Variants in AACS observed in about 807,000 individuals in gnomAD.
AACS encodes the protein acetoacetate-CoA ligase.
Under a neutral mutation model 83.1 loss-of-function variants are expected in AACS, and 69 were observed. That is an observed-to-expected ratio of 0.83 (90% CI 0.68 to 1.01). The LOEUF (loss-of-function observed/expected upper bound fraction) is 1.01. Ranked by LOEUF, AACS falls within the 50% of genes least tolerant of loss-of-function variation. The pLI is 0.00. For missense variants in AACS, 866 were observed against 882.2 expected (o/e 0.98, Z 0.23); for synonymous variants, 333 against 343.4 (o/e 0.97, Z 0.33).
chr12:125,141,701 A>AAAAAAAAAAG (rs577989129), intron 17 of AACS: 1 of 150,024 alleles, frequency 6.7e-6, no homozygotes, highest in Non-Finnish European at 1.4e-5. Context: ...TGTCTCAAAA[A>AAAAAAAAAAG]AAAAAAAAAG....
chr12:125,107,432 A>C (rs975892611), intron 8 of AACS, among the ~76,000 whole-genome samples, 164 bp downstream of exon 8: 1 of 152,142 alleles, frequency 6.6e-6, no homozygotes, highest in Non-Finnish European at 1.5e-5. Context: ...GAGATCCGGC[A>C]CTGGGCCCAG....
chr12:125,071,813 G>C (rs960980611), intron 1 of AACS, among the ~76,000 whole-genome samples: 12 of 152,178 alleles, frequency 7.9e-5, no homozygotes, highest in African/African-American at 2.9e-4. Context: ...GGCCGCGTCT[G>C]CCTTCCTTAG....
At chr12:125,077,439 G>A (rs1278326028) in intron 3 of AACS, among the ~76,000 whole-genome samples, 2 of 151,286 alleles carry the variant, frequency 1.3e-5, no homozygotes, top group Non-Finnish European at 2.9e-5. Context: ...GAACCCAGGA[G>A]GCGGAGCTTG....
intron 1 of AACS, among the ~76,000 whole-genome samples, chr12:125,069,180 C>T (rs987276748): frequency 3.9e-5 from 6 of 152,178 alleles, no homozygotes; most frequent in African/African-American, 1.4e-4. Flanking sequence ...CCCGCGAACT[C>T]GTATCCTCTC....
In AACS at chr12:125,102,794, G is replaced by A; in HGVS notation, c.685+1G>A. 6.2e-7 allele frequency: 1 copy of A among 1,613,826 alleles called. No individual in the cohort carries two copies. The highest frequency in any genetic ancestry group is 8.5e-7 in the Non-Finnish European group (1 of 1,179,710). ...GAAAAGCTGCAGCAGGTGGTTAAAG[G>A]TGTGTGGCCCTTCCGGCTCCCAGCC... is the stretch of plus-strand genomic sequence containing the variant. On this transcript the variant is annotated splice_donor_variant, in intron 6 of 17. Coordinates refer to ENST00000316519, the MANE Select transcript of AACS (RefSeq NM_023928.5). LOFTEE classifies it high-confidence loss of function.
At chr12:125,133,970 C>T (rs370279632) in intron 14 of AACS, 33 bp from the exon 15 acceptor site, 184 of 1,612,806 alleles carry the variant, frequency 1.1e-4, no homozygotes, top group Non-Finnish European at 1.4e-4. Flanking sequence ...CCCTTCTCCT[C>T]GGGATGACCG....
chr12:125,113,983 G>A lies in AACS; in HGVS notation c.916-494G>A, dbSNP rs1053202248. 6.6e-6 allele frequency among the ~76,000 whole-genome samples: 1 copy of A among 152,082 alleles called. No individual in the cohort carries two copies. Among genetic ancestry groups the A allele is most frequent in the Non-Finnish European group, 1.5e-5 (1 of 68,012 alleles). On this transcript the variant is annotated intron_variant, in intron 8 of 17. Coordinates refer to ENST00000316519, the MANE Select transcript of AACS (RefSeq NM_023928.5). This position sits in a 1 kb window ranked among gnomAD's most constrained non-coding sequence, Gnocchi z 4.8. ...CTCAGCTGAGGCATTCCTGAAATCC[G>A]ATCTTGAACGTGAGTCCCAGCTACA...
At chr12:125,084,250 G>A (rs951745174) in intron 3 of AACS, among the ~76,000 whole-genome samples, 12 of 151,562 alleles carry the variant, frequency 7.9e-5, no homozygotes, top group Admixed American at 6.6e-4. Flanking sequence ...CCTGGGAGGC[G>A]GAGGGTGCAG....
intron 7 of AACS, among the ~76,000 whole-genome samples, chr12:125,103,293 A>G (rs7135489): frequency 0.53 from 81,318 of 152,106 alleles, 22,135 homozygotes; most frequent in African/African-American, 0.64. Context: ...GAAGAGAGAC[A>G]GTCCCAGGCA....
At chr12:125,121,772 C>T (rs1285133453) in intron 10 of AACS, 10 of 152,230 alleles carry the variant, frequency 6.6e-5, no homozygotes, top group South Asian at 2.1e-4. Context: ...GCAGGGGCCT[C>T]GTGGGCGAGC....
intron 5 of AACS, among the ~76,000 whole-genome samples, chr12:125,099,477 A>C (rs989382294): frequency 6.6e-6 from 1 of 152,142 alleles, no homozygotes; most frequent in Non-Finnish European, 1.5e-5. Context: ...CTGGCTCATG[A>C]ATCTTTTATT....
chr12:125,097,298 A>G lies in AACS; in HGVS notation c.571-5381A>G, dbSNP rs1045581181. On this transcript the variant is annotated intron_variant, in intron 5 of 17. Transcript: ENST00000316519. This position sits in a 1 kb window ranked among gnomAD's most constrained non-coding sequence, Gnocchi z 4.3. ...TCACTGAGGAAGGGGTACCGGGGGTACCCTTGAAATGGAGGAGGGAGGAGG... is the reference window on the plus strand; with the variant it reads ...TCACTGAGGAAGGGGTACCGGGGGTGCCCTTGAAATGGAGGAGGGAGGAGG... Among the ~76,000 whole-genome samples the G allele has an allele frequency of 1.3e-5, 2 of 151,956 alleles. No individual in the cohort carries two copies. The highest frequency in any genetic ancestry group is 1.3e-4 in the Admixed American group (2 of 15,272).
intron 12 of AACS, 65 bp from the exon 13 acceptor site, chr12:125,128,096 C>A: frequency 8.0e-7 from 1 of 1,243,844 alleles, no homozygotes; most frequent in Non-Finnish European, 1.1e-6. Flanking sequence ...CTTTGTTGCT[C>A]ACTAATTTAA....
intron 17 of AACS, chr12:125,141,246 CTGAGAGATACTCTTTTTTATATTCCCA>C (rs1474103581): frequency 2.0e-5 from 3 of 152,630 alleles, no homozygotes; most frequent in African/African-American, 7.2e-5. Context: ...ACCCTGAACC[CTGAGAGATACTCTTTTTTATATTCCCA>C]TCTGGAATAT....
chr12:125,073,706 G>A, intron 1 of AACS, among the ~76,000 whole-genome samples, 170 bp from the exon 2 acceptor site: 1 of 152,122 alleles, frequency 6.6e-6, no homozygotes, highest in Non-Finnish European at 1.5e-5. Flanking sequence ...GGGGACTAGT[G>A]GTGTTGGGTT....
intron 5 of AACS, among the ~76,000 whole-genome samples, chr12:125,096,227 A>G (rs1956605076): frequency 6.6e-6 from 1 of 152,206 alleles, no homozygotes; most frequent in Non-Finnish European, 1.5e-5. Flanking sequence ...GATTACAGGC[A>G]TGAGCCACTG....
chr12:125,108,217 G>T (rs1011697535), intron 8 of AACS, among the ~76,000 whole-genome samples: 1 of 152,222 alleles, frequency 6.6e-6, no homozygotes. Context: ...CTGCGAGTCT[G>T]TTAGGGCTGC....
chr12:125,085,374 G>A (rs540100892), intron 3 of AACS, among the ~76,000 whole-genome samples: 1 of 151,934 alleles, frequency 6.6e-6, no homozygotes, highest in Non-Finnish European at 1.5e-5. Context: ...GCACGTGCAC[G>A]TTGCATCCAC....
intron 5 of AACS, chr12:125,102,451 T>A (rs1956732727): frequency 2.2e-6 from 1 of 452,238 alleles, no homozygotes; most frequent in South Asian, 2.1e-5. Context: ...GTGGTCCTAT[T>A]GGCTACTGAA....
Sources: allele counts gnomAD v4.1 joint callset (sites outside exome capture counted in the v4.1 genomes callset), GRCh38; gene constraint gnomAD v4.1.1; non-coding constraint Gnocchi (gnomAD v3.1); transcripts MANE v1.5; gene names NCBI Gene and HGNC (gene_info 2026-07-23, HGNC 2026-07-21).